Variants in KDM2B observed in about 807,000 individuals in gnomAD.
KDM2B encodes lysine-specific demethylase 2B.
KDM2B carries 26 observed loss-of-function variants against 150.0 expected under a neutral mutation model. That is an observed-to-expected ratio of 0.17 (90% CI 0.13 to 0.24). The LOEUF (loss-of-function observed/expected upper bound fraction) is 0.24, where lower values mean the gene tolerates loss of function less well. Among genes scored for constraint, KDM2B ranks in the 10% least tolerant of loss-of-function variants. The probability of loss-of-function intolerance (pLI) is 1.00; values close to 1 mark genes in which losing one functional copy is unlikely to be tolerated. For missense variants in KDM2B, 1,265 were observed against 1,816.9 expected, an observed-to-expected ratio of 0.70 and a Z score of 5.52; for synonymous variants, 734 against 729.5, an observed-to-expected ratio of 1.01 and a Z score of -0.10.
chr12:121,510,002 C>G lies in KDM2B; in HGVS notation c.1212G>C (p.Ser404=). The G allele has an allele frequency of 6.3e-7, 1 of 1,588,712 alleles. No homozygotes were observed. Among genetic ancestry groups the G allele is most frequent in the South Asian group, 1.2e-5 (1 of 86,942 alleles). The stretch of plus-strand genomic sequence containing the variant: ...CCTCCTCCATCTCCAGCCAGGAATC[C>G]GAAGAGAAGCCGTCTATGCTGGGCT... ...PRKPSIDGFS[S]DSWLEMEEEA... The change falls in exon 11 of 23, where the codon TCG becomes TCC. Residue 404 remains serine, a synonymous_variant. Coordinates refer to ENST00000377071, the MANE Select transcript of KDM2B (RefSeq NM_032590.5).
chr12:121,571,638 G>A (rs1891094329), intron 4 of KDM2B, among the ~76,000 whole-genome samples: 1 of 150,496 alleles, frequency 6.6e-6, no homozygotes, highest in Non-Finnish European at 1.5e-5. Context: ...TTTATAGTAT[G>A]TGAATATGAT....
At chr12:121,547,259 C>T (rs1889126434) in intron 6 of KDM2B, among the ~76,000 whole-genome samples, 1 of 152,190 alleles carries the variant, frequency 6.6e-6, no homozygotes, top group African/African-American at 2.4e-5. Context: ...ACAAGCCCTG[C>T]TCCCTCCCCA....
intron 12 of KDM2B, among the ~76,000 whole-genome samples, chr12:121,481,688 G>A (rs1297987563): frequency 3.3e-5 from 5 of 152,100 alleles, no homozygotes; most frequent in Non-Finnish European, 5.9e-5. Flanking sequence ...TAGTACCTGC[G>A]TGGCTTTCTA....
chr12:121,530,889 A>C (rs570323382), intron 8 of KDM2B, among the ~76,000 whole-genome samples: 11 of 152,226 alleles, frequency 7.2e-5, no homozygotes, highest in Non-Finnish European at 1.5e-4. Flanking sequence ...TTAGGCTCAG[A>C]GGATGGGGTT....
the KDM2B span, among the ~76,000 whole-genome samples, chr12:121,412,535 G>A: frequency 2.0e-5 from 3 of 151,782 alleles, no homozygotes; most frequent in South Asian, 2.1e-4. Flanking sequence ...GAGCCACCAC[G>A]CCTGGCCTAA....
intron 22 of KDM2B, among the ~76,000 whole-genome samples, chr12:121,438,980 G>A (rs896124075): frequency 5.9e-5 from 9 of 152,280 alleles, no homozygotes; most frequent in African/African-American, 2.2e-4. Context: ...TGTGTACCTC[G>A]CTGCATACTG....
chr12:121,489,930 G>A (rs1333258616), intron 12 of KDM2B, among the ~76,000 whole-genome samples: 2 of 152,178 alleles, frequency 1.3e-5, no homozygotes, highest in African/African-American at 4.8e-5. Context: ...CTGAGTAGGT[G>A]GCAATACACG....
In KDM2B at chr12:121,533,861, T is replaced by G. The variant is rs1326751309; in HGVS notation, c.777+636A>C. ...CAGGAGCCATGGCCCACGCCTACAATCCCAGCACTTTGGAAGACCAAGACG... is the reference window on the plus strand; with the variant it reads ...CAGGAGCCATGGCCCACGCCTACAAGCCCAGCACTTTGGAAGACCAAGACG... On this transcript the variant is annotated intron_variant, in intron 7 of 22. Transcript: ENST00000377071. This position sits in a 1 kb window ranked among gnomAD's most constrained non-coding sequence, Gnocchi z 4.1. Among the ~76,000 whole-genome samples the G allele has an allele frequency of 6.6e-6, 1 of 151,980 alleles. No individual in the cohort carries two copies. The highest frequency in any genetic ancestry group is 1.5e-5 in the Non-Finnish European group (1 of 67,978).
intron 6 of KDM2B, among the ~76,000 whole-genome samples, chr12:121,536,715 C>T (rs1439394071): frequency 6.6e-6 from 1 of 151,638 alleles, no homozygotes; most frequent in Non-Finnish European, 1.5e-5. Context: ...CCCTCCAGGC[C>T]TCAGCTGAAC....
chr12:121,573,729 A>G (rs1891293479), intron 4 of KDM2B, among the ~76,000 whole-genome samples: 1 of 151,980 alleles, frequency 6.6e-6, no homozygotes, highest in Non-Finnish European at 1.5e-5. Flanking sequence ...CTGGGACCAC[A>G]GGCGCCCGCC....
In KDM2B at chr12:121,452,295, A is replaced by G. The variant is rs1877418210; in HGVS notation, c.1959+825T>C. On this transcript the variant is annotated intron_variant, in intron 13 of 22. Transcript: ENST00000377071. This position sits in a 1 kb window ranked among gnomAD's most constrained non-coding sequence, Gnocchi z 4.4. ...AAATGATTAATGTATTTTTTTTACC[A>G]CAATTTCAAAAAACAAAACACAAGA... Among the ~76,000 whole-genome samples, 1 of 152,222 alleles carries G rather than the reference A, an allele frequency of 6.6e-6. No homozygotes were observed. Among genetic ancestry groups the G allele is most frequent in the Non-Finnish European group, 1.5e-5 (1 of 68,042 alleles).
chr12:121,568,204 C>T (rs1555315320), intron 4 of KDM2B, among the ~76,000 whole-genome samples: 1 of 152,076 alleles, frequency 6.6e-6, no homozygotes, highest in African/African-American at 2.4e-5. Context: ...TGCAGTGGCT[C>T]GCACCTGTAA....
At chr12:121,551,051 A>G (rs1427974643) in intron 4 of KDM2B, among the ~76,000 whole-genome samples, 2 of 152,028 alleles carry the variant, frequency 1.3e-5, no homozygotes, top group African/African-American at 4.8e-5. Context: ...ACCCGTAAGT[A>G]TTTACTCTCT....
chr12:121,518,890 T>C lies in KDM2B; in HGVS notation c.1047+2095A>G, dbSNP rs1886453787. On this transcript the variant is annotated intron_variant, in intron 9 of 22. Coordinates refer to ENST00000377071, the MANE Select transcript of KDM2B (RefSeq NM_032590.5). This position sits in a 1 kb window ranked among gnomAD's most constrained non-coding sequence, Gnocchi z 4.4. ...CAGTTGGCCGGAGCCCCAGACAGCA[T>C]TGACCCAGACTGTGAGGTGACCGCT... 6.6e-6 allele frequency among the ~76,000 whole-genome samples: 1 copy of C among 152,128 alleles called. No homozygotes were observed. Among genetic ancestry groups the C allele is most frequent in the Non-Finnish European group, 1.5e-5 (1 of 68,030 alleles).
chr12:121,516,412 AT>A (rs142754968), intron 9 of KDM2B: 334 of 1,006,716 alleles, frequency 3.3e-4, no homozygotes, highest in East Asian at 4.9e-4. Context: ...TTATTTATTT[AT>A]TTTTTTTTCC....
At chr12:121,524,620 C>A in intron 8 of KDM2B, 1 of 417,802 alleles carries the variant, frequency 2.4e-6, no homozygotes, top group Non-Finnish European at 4.8e-6. Context: ...ACCCACATGC[C>A]TCCCTCAGTA....
chr12:121,493,044 C>T (rs1177134048), intron 12 of KDM2B, among the ~76,000 whole-genome samples: 1 of 142,626 alleles, frequency 7.0e-6, no homozygotes, highest in Non-Finnish European at 1.5e-5. Context: ...TACAGGCATG[C>T]ACTATCATGC....
intron 12 of KDM2B, among the ~76,000 whole-genome samples, chr12:121,485,677 G>C (rs1288288305): frequency 1.3e-5 from 2 of 152,020 alleles, no homozygotes; most frequent in African/African-American, 4.8e-5. Context: ...TTCTGTTTGG[G>C]GTGATGAAAG....
chr12:121,492,960 A>G (rs1227215674), intron 12 of KDM2B, among the ~76,000 whole-genome samples: 3 of 151,668 alleles, frequency 2.0e-5, no homozygotes, highest in Admixed American at 2.0e-4. Context: ...CAGTGGTGCA[A>G]TCACAGCTCA....
Sources: allele counts gnomAD v4.1 joint callset (sites outside exome capture counted in the v4.1 genomes callset), GRCh38; gene constraint gnomAD v4.1.1; non-coding constraint Gnocchi (gnomAD v3.1); transcripts MANE v1.5; gene names NCBI Gene and HGNC (gene_info 2026-07-23, HGNC 2026-07-21).